Variants in ILRUN observed in about 807,000 individuals in gnomAD.
The protein encoded by ILRUN is protein ILRUN.
A neutral mutation model predicts 33.8 loss-of-function variants in ILRUN; 3 were observed. That is an observed-to-expected ratio of 0.09 (90% CI 0.04 to 0.23). The LOEUF is 0.23. Among genes scored for constraint, ILRUN ranks in the 10% least tolerant of loss-of-function variants. The pLI is 1.00. For missense variants in ILRUN, 210 were observed against 375.1 expected (o/e 0.56, Z 3.64); for synonymous variants, 124 against 138.9 (o/e 0.89, Z 0.75).
chr6:34,641,890 T>C (rs893151836), intron 3 of ILRUN, among the ~76,000 whole-genome samples: 4 of 152,258 alleles, frequency 2.6e-5, no homozygotes, highest in African/African-American at 9.6e-5. Context: ...TCATGGAAAT[T>C]GAGTATTATG....
intron 4 of ILRUN, among the ~76,000 whole-genome samples, chr6:34,600,965 T>A (rs1371042224): frequency 6.6e-6 from 1 of 152,202 alleles, no homozygotes; most frequent in Non-Finnish European, 1.5e-5. Context: ...CCCCGGTACA[T>A]GACCTTGGGC....
intron 3 of ILRUN, among the ~76,000 whole-genome samples, chr6:34,614,839 ATTCT>A (rs1761847585): frequency 6.6e-6 from 1 of 152,186 alleles, no homozygotes; most frequent in African/African-American, 2.4e-5. Context: ...CCTCTGTGGT[ATTCT>A]TTCTAAACCC....
Position 34,646,633 on chromosome 6 carries a change from C to T in ILRUN, c.479G>A (p.Arg160Gln). 2 of 1,614,106 alleles carry T rather than the reference C, an allele frequency of 1.2e-6. No individual in the cohort carries two copies. The highest frequency in any genetic ancestry group is 1.7e-6 in the Non-Finnish European group (2 of 1,180,020). The change falls in exon 3 of 5, where the codon CGG (arginine) becomes CAG (glutamine). Residue 160 changes from arginine to glutamine, a missense_variant. Around this residue, in one of 4 missense-constraint regions of ILRUN, gnomAD observed 60 missense variants for 138.1 expected, o/e 0.43. Transcript: ENST00000374023. This position sits in a 1 kb window ranked among gnomAD's most constrained non-coding sequence, Gnocchi z 4.9. ...SRAGMYQGQW[R>Q]MCTATGLYYG... ...GTAGAGTCCTGTAGCAGTGCACATC[C>T]GCCACTGTCCCTGATACATTCCTGC... is the stretch of plus-strand genomic sequence containing the variant.
At chr6:34,600,653 C>T (rs1761489368) in intron 4 of ILRUN, among the ~76,000 whole-genome samples, 1 of 152,132 alleles carries the variant, frequency 6.6e-6, no homozygotes, top group African/African-American at 2.4e-5. Flanking sequence ...AAAACCTAAA[C>T]CCAAGTGACT....
chr6:34,655,001 A>G (rs1257373665), intron 1 of ILRUN, among the ~76,000 whole-genome samples: 1 of 152,234 alleles, frequency 6.6e-6, no homozygotes, highest in East Asian at 1.9e-4. Context: ...AGTAACAAAC[A>G]TTAGTACCAT....
chr6:34,619,372 CAG>C (rs1182512890), intron 3 of ILRUN, among the ~76,000 whole-genome samples: 3 of 151,846 alleles, frequency 2.0e-5, no homozygotes, highest in Non-Finnish European at 4.4e-5. Context: ...GTTTTTGAGA[CAG>C]AGAGTCTCAC....
chr6:34,691,585 AG>A (rs1408228525), intron 1 of ILRUN, among the ~76,000 whole-genome samples: 1 of 152,192 alleles, frequency 6.6e-6, no homozygotes, highest in Non-Finnish European at 1.5e-5. Flanking sequence ...ATTTGAGGTC[AG>A]GGGTTCGAGA....
intron 1 of ILRUN, among the ~76,000 whole-genome samples, chr6:34,679,684 A>G (rs1438429012): frequency 6.6e-6 from 1 of 152,226 alleles, no homozygotes; most frequent in Non-Finnish European, 1.5e-5. Context: ...TCCATCCAGA[A>G]CCTCAGAATG....
chr6:34,671,328 G>A (rs6916624), intron 1 of ILRUN, among the ~76,000 whole-genome samples: 7,102 of 152,308 alleles, frequency 0.047, 356 homozygotes, highest in African/African-American at 0.12. Flanking sequence ...TGAGGTTGCA[G>A]TGAGCCATGA....
At position 34,646,780 on chromosome 6, in the gene ILRUN, G is replaced by A. The variant is rs1265629226; in HGVS notation, c.332C>T (p.Pro111Leu). ...CCCGACATATTTAAGACAAACCCCT[G>A]GAGGCCAGGCCTCTGCCCCTGAGTT... is the stretch of plus-strand genomic sequence containing the variant. ...IQNSGAEAWP[P>L]GVCLKYVGGD... is the part of the protein sequence containing the mutation. Residue 111 changes from proline (P) to leucine (L), a missense_variant, in exon 3 of 5, where the codon CCA (proline) becomes CTA (leucine). Physicochemically the swap from Pro to Leu is moderately conservative, Grantham distance 98. This residue lies in a region of ILRUN where 60 missense variants were observed against 138.1 expected (regional missense o/e 0.43). Transcript: ENST00000374023. This position sits in a 1 kb window ranked among gnomAD's most constrained non-coding sequence, Gnocchi z 4.9. 1 of 1,613,840 alleles carries A rather than the reference G, an allele frequency of 6.2e-7. No homozygotes were observed. Among genetic ancestry groups the A allele is most frequent in the Non-Finnish European group, 8.5e-7 (1 of 1,180,028 alleles).
At chr6:34,672,437 C>T (rs1163069868) in intron 1 of ILRUN, among the ~76,000 whole-genome samples, 1 of 151,886 alleles carries the variant, frequency 6.6e-6, no homozygotes, top group East Asian at 1.9e-4. Flanking sequence ...CGTAGTGGGC[C>T]GGGTGTGGTG....
At chr6:34,681,853 T>C (rs1763364247) in intron 1 of ILRUN, among the ~76,000 whole-genome samples, 1 of 91,424 alleles carries the variant, frequency 1.1e-5, no homozygotes, top group African/African-American at 6.4e-5. Flanking sequence ...ACATTTTTTT[T>C]TTTTTTTTTT....
At chr6:34,606,504 A>G in intron 4 of ILRUN, 51 bp downstream of exon 4, 2 of 1,478,398 alleles carry the variant, frequency 1.4e-6, no homozygotes, top group Non-Finnish European at 1.9e-6. Context: ...AAGGGGTATC[A>G]CAAGTCCCAA....
At position 34,606,784 on chromosome 6, in the gene ILRUN, T is replaced by C. The variant is rs760398267; in HGVS notation, c.632A>G (p.Asn211Ser). ...GTTCTTTTGGGGAGAGGCAAAAGGG[T>C]TGAAGTTTCCTTCTACCTTACGATG... Reference protein sequence around the residue: ...QPHRKVEGNFNPFASPQKNRQ... With the variant: ...QPHRKVEGNFSPFASPQKNRQ... The change falls in exon 4 of 5, where the codon AAC becomes AGC. Residue 211 changes from asparagine to serine, a missense_variant. Transcript: ENST00000374023. 4 of 1,614,136 alleles carry C rather than the reference T, an allele frequency of 2.5e-6. No homozygotes were observed. Among genetic ancestry groups the C allele is most frequent in the Non-Finnish European group, 3.4e-6 (4 of 1,180,030 alleles).
At chr6:34,678,190 C>G (rs1763279287) in intron 1 of ILRUN, among the ~76,000 whole-genome samples, 1 of 152,070 alleles carries the variant, frequency 6.6e-6, no homozygotes, top group African/African-American at 2.4e-5. Flanking sequence ...CAGGTGCCCA[C>G]CACCAGGCCC....
At chr6:34,651,649 T>G (rs1762670717) in intron 2 of ILRUN, among the ~76,000 whole-genome samples, 2 of 151,732 alleles carry the variant, frequency 1.3e-5, no homozygotes, top group Admixed American at 6.6e-5. Context: ...TTTTCACTAT[T>G]AAGTAAACAA....
intron 1 of ILRUN, among the ~76,000 whole-genome samples, chr6:34,683,846 T>C (rs1671101762): frequency 6.6e-6 from 1 of 152,074 alleles, no homozygotes; most frequent in Admixed American, 6.6e-5. Flanking sequence ...GCAGACAGCT[T>C]GAGCTCTGGA....
chr6:34,667,924 G>A (rs1763037369), intron 1 of ILRUN, among the ~76,000 whole-genome samples: 1 of 152,092 alleles, frequency 6.6e-6, no homozygotes, highest in African/African-American at 2.4e-5. Flanking sequence ...AAGGAAGGTT[G>A]TAAAGGGCAA....
chr6:34,689,476 C>T (rs755516417), intron 1 of ILRUN, among the ~76,000 whole-genome samples: 4 of 152,068 alleles, frequency 2.6e-5, no homozygotes, highest in Non-Finnish European at 4.4e-5. Flanking sequence ...TAATAGAGTA[C>T]ATAATACTCT....
Sources: allele counts gnomAD v4.1 joint callset (sites outside exome capture counted in the v4.1 genomes callset), GRCh38; gene constraint gnomAD v4.1.1; regional missense constraint gnomAD v4.1.1; non-coding constraint Gnocchi (gnomAD v3.1); transcripts MANE v1.5; gene names NCBI Gene and HGNC (gene_info 2026-07-23, HGNC 2026-07-21).